Variants in LGALS9 observed in about 807,000 individuals in gnomAD.
LGALS9 encodes the protein galectin 9.
LGALS9 carries 26 observed loss-of-function variants against 35.9 expected under a neutral mutation model. That is an observed-to-expected ratio of 0.72 (90% confidence interval 0.53 to 1.01). LGALS9 has a LOEUF of 1.01. Ranked by LOEUF, LGALS9 falls within the 50% of genes least tolerant of loss-of-function variation. LGALS9 has a pLI of 0.00. For synonymous variants in LGALS9, 149 were observed against 172.2 expected, an observed-to-expected ratio of 0.87 and a Z score of 1.06; for missense variants, 347 against 445.8, an observed-to-expected ratio of 0.78 and a Z score of 1.99.
chr17:27,639,469 A>G (rs888938515), intron 2 of LGALS9, among the ~76,000 whole-genome samples: 5 of 152,120 alleles, frequency 3.3e-5, no homozygotes, highest in Admixed American at 3.3e-4. Context: ...TCCTTGGGGC[A>G]GGAATTTCGA....
At chr17:27,643,304 C>T (rs1248669002) in intron 4 of LGALS9, among the ~76,000 whole-genome samples, 1 of 152,148 alleles carries the variant, frequency 6.6e-6, no homozygotes, top group African/African-American at 2.4e-5. Context: ...GACTCTCTCC[C>T]CTGCGGGTGG....
intron 1 of LGALS9, among the ~76,000 whole-genome samples, chr17:27,631,766 C>T (rs556020876): frequency 6.6e-6 from 1 of 151,886 alleles, no homozygotes; most frequent in East Asian, 1.9e-4. Context: ...TACTTGAGCC[C>T]CCCACTCCCA....
chr17:27,643,574 C>T lies in LGALS9; in HGVS notation c.494C>T (p.Ser165Phe), dbSNP rs1271902052. 1.2e-6 allele frequency: 2 copies of T among 1,611,800 alleles called. No homozygotes were observed. Among genetic ancestry groups the T allele is most frequent in the Non-Finnish European group, 1.7e-6 (2 of 1,179,776 alleles). Residue 165 changes from serine (S) to phenylalanine (F), a missense_variant, in exon 5 of 11, where the codon TCC (serine) becomes TTC (phenylalanine). Physicochemically the swap from Ser to Phe is radical, Grantham distance 155. Coordinates refer to ENST00000395473, the MANE Select transcript of LGALS9 (RefSeq NM_009587.3). ...VQPAFSTVPF[S>F]QPVCFPPRPR... Reference sequence around the variant, plus strand: ...CCTGCCTTCTCCACGGTGCCGTTCTCCCAGCCTGTCTGTTTCCCACCCAGG... The same window carrying T: ...CCTGCCTTCTCCACGGTGCCGTTCTTCCAGCCTGTCTGTTTCCCACCCAGG...
intron 2 of LGALS9, chr17:27,640,292 C>T (rs923319016): frequency 4.0e-6 from 2 of 495,102 alleles, no homozygotes; most frequent in Admixed American, 6.7e-5. Flanking sequence ...AATCACTTTC[C>T]AAGACCTATG....
intron 2 of LGALS9, among the ~76,000 whole-genome samples, chr17:27,639,784 T>C (rs1034599153): frequency 6.6e-6 from 1 of 152,158 alleles, no homozygotes; most frequent in African/African-American, 2.4e-5. Context: ...GCCACCAGGC[T>C]GGAGTGCTGT....
At position 27,642,220 on chromosome 17, in the gene LGALS9, T is replaced by A. The variant is rs12946533; in HGVS notation, c.334-18T>A. 6.5e-7 allele frequency: 1 copy of A among 1,540,440 alleles called. No homozygotes were observed. The highest frequency in any genetic ancestry group is 8.9e-7 in the Non-Finnish European group (1 of 1,123,380). ...AGCCTGGGATGCCTCCCCCAGAACA[T>A]GTGCTCTCCTCTGGCAGGTGATGGT... On this transcript the variant is annotated intron_variant, in intron 3 of 10. Coordinates refer to ENST00000395473, the MANE Select transcript of LGALS9 (RefSeq NM_009587.3).
chr17:27,644,769 T>TGGCC (rs1904806346), intron 5 of LGALS9: 1 of 155,580 alleles, frequency 6.4e-6, no homozygotes, highest in Non-Finnish European at 1.4e-5. Flanking sequence ...TGGCCCTGGC[T>TGGCC]CTGGGGAGGA....
At chr17:27,637,100 G>A (rs944108235) in intron 1 of LGALS9, among the ~76,000 whole-genome samples, 1 of 152,226 alleles carries the variant, frequency 6.6e-6, no homozygotes, top group African/African-American at 2.4e-5. Flanking sequence ...CTTGAAGAAT[G>A]TGAAAATCAG....
chr17:27,634,964 C>T (rs2074430040), intron 1 of LGALS9, among the ~76,000 whole-genome samples: 1 of 152,186 alleles, frequency 6.6e-6, no homozygotes, highest in Admixed American at 6.5e-5. Context: ...TATCAGTGCT[C>T]AGAGTTCTGT....
In LGALS9 at chr17:27,649,296, C is replaced by T. The variant is rs888801763; in HGVS notation, c.*314C>T. On this transcript the variant is annotated 3_prime_UTR_variant, in exon 11 of 11. Coordinates refer to ENST00000395473, the MANE Select transcript of LGALS9 (RefSeq NM_009587.3). ...AAGATGAAGCCCCATGCTCAGTCCC[C>T]TCCCATCCCCCACGCAGCTCCACCC... 2 of 446,750 alleles carry T rather than the reference C, an allele frequency of 4.5e-6. No individual in the cohort carries two copies. The highest frequency in any genetic ancestry group is 2.2e-5 in the South Asian group (1 of 45,374). 27.7% of individuals were successfully genotyped at this position (446,750 alleles called of 1,614,324 possible). A position where few individuals can be genotyped will look rare whatever the true frequency, so the allele number is the denominator to read the frequency against.
intron 1 of LGALS9, among the ~76,000 whole-genome samples, chr17:27,632,662 A>T (rs776171768): frequency 9.2e-5 from 14 of 152,216 alleles, no homozygotes; most frequent in Non-Finnish European, 1.6e-4. Flanking sequence ...AGGTTCTGAC[A>T]TATTATTATT....
chr17:27,637,236 G>A (rs975480118), intron 1 of LGALS9, among the ~76,000 whole-genome samples: 2 of 152,182 alleles, frequency 1.3e-5, no homozygotes, highest in African/African-American at 4.8e-5. Context: ...TGAAGGTGGG[G>A]GGTGGGTGAC....
intron 10 of LGALS9, among the ~76,000 whole-genome samples, chr17:27,648,469 AACATTTGT>A (rs55935076): frequency 0.17 from 26,591 of 152,028 alleles, 2,705 homozygotes; most frequent in Non-Finnish European, 0.24. Flanking sequence ...AGGAGGTTTT[AACATTTGT>A]ACCCTGACTG....
chr17:27,636,093 A>G (rs2074448175), intron 1 of LGALS9, among the ~76,000 whole-genome samples: 1 of 150,922 alleles, frequency 6.6e-6, no homozygotes, highest in South Asian at 2.1e-4. Context: ...CAGATCCCAG[A>G]TTTCCTGGGG....
intron 8 of LGALS9, 73 bp downstream of exon 8, chr17:27,646,661 G>C: frequency 4.4e-6 from 7 of 1,604,726 alleles, no homozygotes; most frequent in Non-Finnish European, 6.0e-6. Flanking sequence ...CCGCTGTGGG[G>C]GGATCCACTG....
Position 27,640,668 on chromosome 17 carries a change from G to T in LGALS9, c.228G>T (p.Thr76=), listed in dbSNP as rs768515562. 1 of 1,614,206 alleles carries T rather than the reference G, an allele frequency of 6.2e-7. No individual in the cohort carries two copies. The highest frequency in any genetic ancestry group is 8.5e-7 in the Non-Finnish European group (1 of 1,180,036). ...ATGGAGGGTACGTGGTGTGCAACAC[G>T]AGGCAGAACGGAAGCTGGGGGCCCG... ...FEDGGYVVCN[T]RQNGSWGPEE... is the part of the protein sequence containing the mutation. The change falls in exon 3 of 11, where the codon ACG becomes ACT. Residue 76 remains threonine (T), a synonymous_variant. Transcript: ENST00000395473.
At chr17:27,640,433 A>T in intron 2 of LGALS9, 139 bp from the exon 3 acceptor site, 1 of 1,270,656 alleles carries the variant, frequency 7.9e-7, no homozygotes, top group Non-Finnish European at 1.1e-6. Flanking sequence ...AACAAAAACG[A>T]TGCCAACAAA....
chr17:27,637,018 G>A (rs1434625214), intron 1 of LGALS9, among the ~76,000 whole-genome samples: 1 of 151,950 alleles, frequency 6.6e-6, no homozygotes, highest in Non-Finnish European at 1.5e-5. Flanking sequence ...CACATCACCT[G>A]CCTGGCTCCT....
At position 27,640,668 on chromosome 17, in the gene LGALS9, G is replaced by A. The variant is rs768515562; in HGVS notation, c.228G>A (p.Thr76=). Residue 76 remains threonine (T), a synonymous_variant, in exon 3 of 11, where the codon ACG becomes ACA. Coordinates refer to ENST00000395473, the MANE Select transcript of LGALS9 (RefSeq NM_009587.3). ...FEDGGYVVCN[T]RQNGSWGPEE... ...ATGGAGGGTACGTGGTGTGCAACAC[G>A]AGGCAGAACGGAAGCTGGGGGCCCG... 7.4e-6 allele frequency: 12 copies of A among 1,614,088 alleles called. No homozygotes were observed. Among genetic ancestry groups the A allele is most frequent in the African/African-American group, 2.7e-5 (2 of 74,926 alleles).
Sources: allele counts gnomAD v4.1 joint callset (sites outside exome capture counted in the v4.1 genomes callset), GRCh38; gene constraint gnomAD v4.1.1; transcripts MANE v1.5; gene names NCBI Gene and HGNC (gene_info 2026-07-23, HGNC 2026-07-21).